Variants in PLCB1 observed in about 807,000 individuals in gnomAD.
PLCB1 encodes 1-phosphatidylinositol 4,5-bisphosphate phosphodiesterase beta-1.
A neutral mutation model predicts 161.8 loss-of-function variants in PLCB1; 46 were observed. The observed-to-expected ratio is 0.28, with a 90% CI of 0.22 to 0.36. The LOEUF (loss-of-function observed/expected upper bound fraction) is 0.36, where lower values mean the gene tolerates loss of function less well. Ranked by LOEUF, PLCB1 falls within the 10% of genes least tolerant of loss-of-function variation. The probability of loss-of-function intolerance (pLI) is 1.00; values close to 1 mark genes in which losing one functional copy is unlikely to be tolerated. For synonymous variants in PLCB1, 517 were observed against 503.7 expected (o/e 1.03, Z -0.35); for missense variants, 1,016 against 1,472.5 (o/e 0.69, Z 5.07).
intron 2 of PLCB1, among the ~76,000 whole-genome samples, chr20:8,344,314 C>T (rs577778789): frequency 8.5e-5 from 13 of 152,272 alleles, no homozygotes; most frequent in South Asian, 4.1e-4. Flanking sequence ...TGTTTGGTCT[C>T]GCAGTTTGTG....
At chr20:8,420,199 T>C (rs185499593) in intron 3 of PLCB1, among the ~76,000 whole-genome samples, 7 of 152,212 alleles carry the variant, frequency 4.6e-5, no homozygotes, top group Non-Finnish European at 7.4e-5. Context: ...CCCAAAATGA[T>C]CTAGATGAGA....
At chr20:8,331,561 G>C (rs1248513052) in intron 2 of PLCB1, among the ~76,000 whole-genome samples, 1 of 152,168 alleles carries the variant, frequency 6.6e-6, no homozygotes, top group Non-Finnish European at 1.5e-5. Flanking sequence ...TCTGACAGAA[G>C]TTACTGAAGC....
At chr20:8,654,863 G>A (rs1424707547) in intron 7 of PLCB1, among the ~76,000 whole-genome samples, 1 of 151,992 alleles carries the variant, frequency 6.6e-6, no homozygotes, top group East Asian at 1.9e-4. Context: ...ATTATCCATA[G>A]CTTTTACCTA....
chr20:8,207,281 T>A (rs2123137453), intron 2 of PLCB1, among the ~76,000 whole-genome samples: 1 of 152,338 alleles, frequency 6.6e-6, no homozygotes, highest in South Asian at 2.1e-4. Context: ...ATACAGTGAA[T>A]GATTTGCAAT....
At chr20:8,766,355 G>T (rs1982314773) in intron 26 of PLCB1, among the ~76,000 whole-genome samples, 1 of 152,196 alleles carries the variant, frequency 6.6e-6, no homozygotes, top group South Asian at 2.1e-4. Flanking sequence ...CTGACATGTT[G>T]ATCTGCAATA....
At chr20:8,184,725 TC>T (rs1468060120) in intron 2 of PLCB1, among the ~76,000 whole-genome samples, 2 of 150,698 alleles carry the variant, frequency 1.3e-5, no homozygotes, top group African/African-American at 4.8e-5. Flanking sequence ...AGTTTCCATT[TC>T]TTACCTATCA....
intron 3 of PLCB1, among the ~76,000 whole-genome samples, chr20:8,539,256 T>A (rs1384125320): frequency 3.3e-5 from 5 of 152,210 alleles, no homozygotes; most frequent in African/African-American, 1.2e-4. Context: ...GAACCAGTTA[T>A]ATGAATGCTA....
chr20:8,423,617 T>C (rs554301434), intron 3 of PLCB1, among the ~76,000 whole-genome samples: 1 of 152,340 alleles, frequency 6.6e-6, no homozygotes, highest in Non-Finnish European at 1.5e-5. Context: ...AAACTTCTGC[T>C]TTTAAGAATA....
At chr20:8,446,046 A>C (rs1182516500) in intron 3 of PLCB1, among the ~76,000 whole-genome samples, 2 of 152,180 alleles carry the variant, frequency 1.3e-5, no homozygotes, top group African/African-American at 4.8e-5. Flanking sequence ...AATCCTCCCT[A>C]ACTCATTTTA....
At chr20:8,306,356 G>C (rs1984137241) in intron 2 of PLCB1, 2 of 152,170 alleles carry the variant, frequency 1.3e-5, no homozygotes, top group African/African-American at 2.4e-5. Flanking sequence ...ATTTAGAAGT[G>C]CCCCAGAAAT....
chr20:8,195,146 T>A (rs903185061), intron 2 of PLCB1, among the ~76,000 whole-genome samples: 2 of 152,092 alleles, frequency 1.3e-5, no homozygotes, highest in African/African-American at 4.8e-5. Flanking sequence ...TTTTGCATTA[T>A]GGAGATGGGC....
intron 4 of PLCB1, among the ~76,000 whole-genome samples, chr20:8,633,872 C>A (rs1490745038): frequency 6.6e-6 from 1 of 152,064 alleles, no homozygotes; most frequent in Non-Finnish European, 1.5e-5. Context: ...TAAATGAAAT[C>A]ATACAATAAA....
intron 27 of PLCB1, among the ~76,000 whole-genome samples, chr20:8,787,321 C>T (rs568148917): frequency 2.0e-5 from 3 of 152,216 alleles, no homozygotes; most frequent in Non-Finnish European, 4.4e-5. Context: ...TGTGGCTCCA[C>T]CTCAGTGTGC....
At chr20:8,632,035 C>T (rs13044249) in intron 4 of PLCB1, among the ~76,000 whole-genome samples, 4,168 of 45,766 alleles carry the variant, frequency 0.091, 99 homozygotes, top group Middle Eastern at 0.14. Flanking sequence ...GTTTTTTTTG[C>T]TTTTTTTTTT....
intron 12 of PLCB1, among the ~76,000 whole-genome samples, chr20:8,712,324 A>T (rs1180366949): frequency 2.0e-5 from 3 of 152,102 alleles, no homozygotes; most frequent in Non-Finnish European, 4.4e-5. Flanking sequence ...AAAAAGAAAG[A>T]AAAAATGAGA....
chr20:8,743,972 T>G (rs1271660229), intron 23 of PLCB1, among the ~76,000 whole-genome samples: 2 of 152,250 alleles, frequency 1.3e-5, no homozygotes, highest in Admixed American at 6.5e-5. Flanking sequence ...GCATATTTAA[T>G]AAACTATAAT....
In PLCB1 at chr20:8,600,412, G is replaced by A. The variant is rs9753668; in HGVS notation, c.247-27882G>A. ...GGGGTGCCTCCCAGTTAGGCTGCTC[G>A]GGGGTCAGGGGTCAGGGACCCACTT... On this transcript the variant is annotated intron_variant, in intron 3 of 31. Transcript: ENST00000338037. Among the ~76,000 whole-genome samples the A allele has an allele frequency of 6.9e-3, 952 of 137,002 alleles. 5 individuals carry two copies. Among genetic ancestry groups the A allele is most frequent in the African/African-American group, 0.024 (826 of 34,602 alleles). The allele number at this position is 137,002 out of a possible 152,430, so 89.9% of individuals were successfully genotyped here. A position where few individuals can be genotyped will look rare whatever the true frequency, so the allele number is the denominator to read the frequency against.
rs544244482 is a variant in PLCB1 at position 8,556,925 on chromosome 20, A to G, written c.247-71369A>G. 1.5e-3 allele frequency among the ~76,000 whole-genome samples: 220 copies of G among 151,580 alleles called. 2 individuals are homozygous for G. The highest frequency in any genetic ancestry group is 5.1e-3 in the African/African-American group (213 of 41,392). Reference sequence around the variant, plus strand: ...AATCCCTCAGGAAATGTGAATCAAAACCACAATGAGATACCACTTGACACC... The same window carrying G: ...AATCCCTCAGGAAATGTGAATCAAAGCCACAATGAGATACCACTTGACACC... On this transcript the variant is annotated intron_variant, in intron 3 of 31. Coordinates refer to ENST00000338037, the MANE Select transcript of PLCB1 (RefSeq NM_015192.4).
chr20:8,558,253 T>C (rs1430378003), intron 3 of PLCB1, among the ~76,000 whole-genome samples: 1 of 152,078 alleles, frequency 6.6e-6, no homozygotes, highest in Non-Finnish European at 1.5e-5. Flanking sequence ...ATGCATTGCA[T>C]GCCTGTATCA....
Sources: allele counts gnomAD v4.1 joint callset (sites outside exome capture counted in the v4.1 genomes callset), GRCh38; gene constraint gnomAD v4.1.1; transcripts MANE v1.5; gene names NCBI Gene and HGNC (gene_info 2026-07-23, HGNC 2026-07-21).